The following KCNMA1 variants were observed in gnomAD, a reference collection of about 807,000 sequenced individuals.
KCNMA1 encodes Calcium-activated potassium channel subunit alpha-1.
Under a neutral mutation model 140.0 loss-of-function variants are expected in KCNMA1, and 29 were observed. The observed-to-expected ratio is 0.21, with a 90% CI of 0.15 to 0.28. KCNMA1 has a LOEUF of 0.28. Ranked by LOEUF, KCNMA1 falls within the 10% of genes least tolerant of loss-of-function variation. The pLI is 1.00. For missense variants in KCNMA1, 880 were observed against 1,602.2 expected, an observed-to-expected ratio of 0.55 and a Z score of 7.70; for synonymous variants, 612 against 611.9, an observed-to-expected ratio of 1.00 and a Z score of 0.00.
intron 1 of KCNMA1, among the ~76,000 whole-genome samples, chr10:77,549,915 C>T (rs577513111): frequency 6.6e-6 from 1 of 152,314 alleles, no homozygotes; most frequent in African/African-American, 2.4e-5. Flanking sequence ...ACTTTTTGCC[C>T]TCTCAGAGCA....
intron 2 of KCNMA1, among the ~76,000 whole-genome samples, chr10:77,297,681 A>G (rs1168965910): frequency 1.3e-5 from 2 of 152,208 alleles, no homozygotes; most frequent in African/African-American, 4.8e-5. Context: ...GACAGATGGT[A>G]TAAAGGAGAC....
chr10:77,149,580 C>T (rs1466477998), intron 5 of KCNMA1, among the ~76,000 whole-genome samples: 2 of 152,170 alleles, frequency 1.3e-5, no homozygotes, highest in African/African-American at 2.4e-5. Context: ...GAGACTTTTG[C>T]CAACTCTTTT....
chr10:77,072,823 G>A (rs921488365), intron 14 of KCNMA1, among the ~76,000 whole-genome samples: 1 of 152,102 alleles, frequency 6.6e-6, no homozygotes, highest in African/African-American at 2.4e-5. Flanking sequence ...TTTTAACAGC[G>A]GAGGCTTTGT....
At position 77,408,431 on chromosome 10, in the gene KCNMA1, CGT is replaced by C. The variant is rs543996034; in HGVS notation, c.379-4410_379-4409del. ...GTGAGAGTGTGTGCATGTGTGTGCA[CGT>C]GTGAGAGTGTGTGCATGTGTGTGTG... On this transcript the variant is annotated intron_variant, in intron 1 of 27. Transcript: ENST00000286628. 1.6e-3 allele frequency among the ~76,000 whole-genome samples: 248 copies of C among 151,588 alleles called. 3 individuals are homozygous for C. Among genetic ancestry groups the C allele is most frequent in the African/African-American group, 5.3e-3 (220 of 41,334 alleles).
intron 1 of KCNMA1, among the ~76,000 whole-genome samples, chr10:77,605,103 G>C (rs1029349033): frequency 1.3e-5 from 2 of 152,276 alleles, no homozygotes; most frequent in African/African-American, 4.8e-5. Flanking sequence ...CAGCTGCCGG[G>C]CTTTCCAGGA....
At chr10:77,056,284 G>A (rs1274091765) in intron 14 of KCNMA1, among the ~76,000 whole-genome samples, 1 of 152,132 alleles carries the variant, frequency 6.6e-6, no homozygotes, top group East Asian at 1.9e-4. Context: ...GGAGGCTGAG[G>A]CAGGAAAATT....
At chr10:77,109,352 A>G (rs1361417071) in intron 8 of KCNMA1, among the ~76,000 whole-genome samples, 3 of 152,202 alleles carry the variant, frequency 2.0e-5, no homozygotes, top group Non-Finnish European at 2.9e-5. Flanking sequence ...CACGGTGTAC[A>G]TACATGAAAG....
chr10:77,214,168 A>G (rs940020855), intron 3 of KCNMA1, among the ~76,000 whole-genome samples: 6 of 152,246 alleles, frequency 3.9e-5, no homozygotes, highest in African/African-American at 1.4e-4. Context: ...CAAACTGCAA[A>G]TTGACACTCC....
intron 18 of KCNMA1, among the ~76,000 whole-genome samples, chr10:77,007,126 C>T (rs12355753): frequency 0.022 from 3,360 of 152,282 alleles, 56 homozygotes; most frequent in Middle Eastern, 0.037. Context: ...AGACCCAAAG[C>T]TCAATGCTGG....
intron 23 of KCNMA1, among the ~76,000 whole-genome samples, chr10:76,919,988 G>A (rs2054678069): frequency 2.3e-5 from 1 of 44,302 alleles, no homozygotes; most frequent in Non-Finnish European, 4.1e-5. Flanking sequence ...AGCATTGTGT[G>A]TGTGTGTGTG....
intron 15 of KCNMA1, among the ~76,000 whole-genome samples, chr10:77,034,857 C>T (rs948336132): frequency 1.4e-4 from 22 of 152,198 alleles, no homozygotes; most frequent in Middle Eastern, 3.2e-3. Context: ...AAACCTGATA[C>T]AATTAAGCTT....
chr10:77,117,625 AT>A (rs1405124298), intron 6 of KCNMA1, among the ~76,000 whole-genome samples: 4 of 152,100 alleles, frequency 2.6e-5, no homozygotes, highest in Non-Finnish European at 5.9e-5. Flanking sequence ...TTTGGAAAAA[AT>A]TGCTGAGTGA....
chr10:77,567,982 A>G (rs1374190536), intron 1 of KCNMA1, among the ~76,000 whole-genome samples: 1 of 152,234 alleles, frequency 6.6e-6, no homozygotes, highest in Non-Finnish European at 1.5e-5. Context: ...TAGAAAATCT[A>G]GAAGAAATGG....
intron 5 of KCNMA1, among the ~76,000 whole-genome samples, chr10:77,155,922 T>A (rs144123831): frequency 4.6e-5 from 7 of 152,270 alleles, no homozygotes; most frequent in African/African-American, 1.7e-4. Context: ...TCATCTGTTT[T>A]ACACCAAATT....
intron 1 of KCNMA1, among the ~76,000 whole-genome samples, chr10:77,480,715 C>T (rs558995476): frequency 2.0e-5 from 3 of 152,202 alleles, no homozygotes; most frequent in South Asian, 2.1e-4. Flanking sequence ...GCTTGCCTAG[C>T]GCAGCTTCCC....
chr10:77,013,861 A>G (rs576679730), intron 17 of KCNMA1, among the ~76,000 whole-genome samples: 54 of 152,244 alleles, frequency 3.5e-4, no homozygotes, highest in Non-Finnish European at 6.3e-4. Flanking sequence ...GCCTGGCACC[A>G]GAGCCCAAGG....
At chr10:77,275,747 G>A (rs559111492) in intron 2 of KCNMA1, among the ~76,000 whole-genome samples, 3 of 152,304 alleles carry the variant, frequency 2.0e-5, no homozygotes, top group Admixed American at 6.5e-5. Flanking sequence ...CACCATCACT[G>A]CTCAGCAGGA....
intron 2 of KCNMA1, among the ~76,000 whole-genome samples, chr10:77,259,347 A>G (rs1465058504): frequency 2.6e-5 from 4 of 152,218 alleles, no homozygotes; most frequent in Non-Finnish European, 5.9e-5. Flanking sequence ...CTATGATTTT[A>G]CAGGCATTAG....
intron 20 of KCNMA1, among the ~76,000 whole-genome samples, chr10:76,963,852 A>G (rs190718326): frequency 6.6e-6 from 1 of 152,222 alleles, no homozygotes; most frequent in Non-Finnish European, 1.5e-5. Flanking sequence ...CCTTGAGCAC[A>G]ATGTTCAAGA....
Sources: allele counts gnomAD v4.1 joint callset (sites outside exome capture counted in the v4.1 genomes callset), GRCh38; gene constraint gnomAD v4.1.1; transcripts MANE v1.5; gene names NCBI Gene and HGNC (gene_info 2026-07-23, HGNC 2026-07-21).